Variants in PPM1K observed in about 807,000 individuals in gnomAD.
PPM1K encodes protein phosphatase Mn(2+)-dependent 1K.
In PPM1K, 19 loss-of-function variants were observed where a neutral mutation model predicts 32.6. That is an observed-to-expected ratio of 0.58 (90% CI 0.41 to 0.86). The LOEUF (loss-of-function observed/expected upper bound fraction) is 0.86, where lower values mean the gene tolerates loss of function less well. Ranked by LOEUF, PPM1K falls within the 40% of genes least tolerant of loss-of-function variation. The probability of loss-of-function intolerance (pLI) is 0.00; values close to 1 mark genes in which losing one functional copy is unlikely to be tolerated. For missense variants in PPM1K, 362 were observed against 461.2 expected (o/e 0.78, Z 1.97); for synonymous variants, 159 against 165.3 (o/e 0.96, Z 0.29).
chr4:88,262,236 C>T lies in PPM1K; in HGVS notation c.*359G>A, dbSNP rs1350678298. 6.4e-6 allele frequency: 1 copy of T among 155,956 alleles called. No homozygotes were observed. The highest frequency in any genetic ancestry group is 1.4e-5 in the Non-Finnish European group (1 of 70,868). The allele number at this position is 155,956 out of a possible 1,614,324, so 9.7% of individuals were successfully genotyped here. A position where few individuals can be genotyped will look rare whatever the true frequency, so the allele number is the denominator to read the frequency against. ...ATTCAAACTGACTAGTTTTGAAGAA[C>T]TTCAAAAACGTGTTCAAATGAATAA... On this transcript the variant is annotated 3_prime_UTR_variant, in exon 7 of 7. Transcript: ENST00000608933.
rs111464816 is a variant in PPM1K, at chr4:88,263,754, G to T, written c.988-1028C>A. Reference sequence around the variant, plus strand: ...AGCCACCAAACCTGGCCTAAAGATTGTATTTCTAAGGGCTCAAGCAATCCT... The same window carrying T: ...AGCCACCAAACCTGGCCTAAAGATTTTATTTCTAAGGGCTCAAGCAATCCT... On this transcript the variant is annotated intron_variant, in intron 6 of 6. Transcript: ENST00000608933. Among the ~76,000 whole-genome samples, 569 of 152,112 alleles carry T rather than the reference G, an allele frequency of 3.7e-3. 2 individuals are homozygous for T. The highest frequency in any genetic ancestry group is 0.013 in the African/African-American group (538 of 41,504).
chr4:88,278,142 A>G lies in PPM1K; in HGVS notation c.440+2T>C, dbSNP rs1184699647. 1 of 1,611,572 alleles carries G rather than the reference A, an allele frequency of 6.2e-7. No individual in the cohort carries two copies. On this transcript the variant is annotated splice_donor_variant, in intron 2 of 6. Transcript: ENST00000608933. LOFTEE classifies it high-confidence loss of function. This position sits in a 1 kb window ranked among gnomAD's most constrained non-coding sequence, Gnocchi z 4.2. ...GTCAGGAGTGAAAGTCATTGTACAT[A>G]CATAATACATTTCTCCATGTGGGTA... is the stretch of plus-strand genomic sequence containing the variant.
chr4:88,278,373 T>C lies in PPM1K; in HGVS notation c.211A>G (p.Ile71Val), dbSNP rs1184981278. ...WDNFGIWDNR[I>V]DEPILLPPSI... is the part of the protein sequence containing the mutation. ...GGTGGCAGCAGAATTGGCTCATCAA[T>C]GCGGTTATCCCAGATCCCAAAATTG... The change falls in exon 2 of 7, where the codon ATT (isoleucine) becomes GTT (valine). Residue 71 changes from isoleucine to valine, a missense_variant. Ile to Val is a conservative substitution (Grantham distance 29, BLOSUM62 3). Transcript: ENST00000608933. The surrounding 1 kb of genome is among the most constrained non-coding windows in gnomAD (Gnocchi z 4.2). The C allele has an allele frequency of 2.5e-6, 4 of 1,614,208 alleles. No individual in the cohort carries two copies. In the Admixed American group the frequency reaches 6.7e-5, roughly 27 times the overall value.
At chr4:88,277,337 G>A (rs998875165) in intron 2 of PPM1K, 94 bp from the exon 3 acceptor site, 56 of 810,034 alleles carry the variant, frequency 6.9e-5, no homozygotes, top group South Asian at 4.8e-4. Context: ...TCCACACAAC[G>A]GGCCTCAGGA....
chr4:88,273,399 G>A (rs1731637395), intron 3 of PPM1K, among the ~76,000 whole-genome samples: 1 of 152,178 alleles, frequency 6.6e-6, no homozygotes, highest in African/African-American at 2.4e-5. Flanking sequence ...GTACTACCTG[G>A]GCTGGGCACA....
At position 88,275,369 on chromosome 4, in the gene PPM1K, G is replaced by C. The variant is rs914717722; in HGVS notation, c.541+1774C>G. The C allele has an allele frequency of 5.1e-6, 5 of 976,266 alleles. No homozygotes were observed. In the Admixed American group the frequency reaches 1.8e-4, roughly 36 times the overall value. 60.5% of individuals were successfully genotyped at this position (976,266 alleles called of 1,614,324 possible). A position where few individuals can be genotyped will look rare whatever the true frequency, so the allele number is the denominator to read the frequency against. On this transcript the variant is annotated intron_variant, in intron 3 of 6. Transcript: ENST00000608933. The stretch of plus-strand genomic sequence containing the variant: ...ACTGTTTAATGTTTTTGTGACAAAG[G>C]TATCTTTAGAAAGTTTCTTTTAAGA...
intron 3 of PPM1K, among the ~76,000 whole-genome samples, chr4:88,272,676 A>G (rs1311639373): frequency 6.6e-6 from 1 of 152,180 alleles, no homozygotes; most frequent in Non-Finnish European, 1.5e-5. Flanking sequence ...TGGTGATGAA[A>G]TTTGCTACTG....
At chr4:88,276,597 T>A (rs996398185) in intron 3 of PPM1K, 1 of 985,200 alleles carries the variant, frequency 1.0e-6, no homozygotes, top group Admixed American at 6.1e-5. Context: ...AGCTGCAAGA[T>A]TGAGCTTTTT....
At chr4:88,265,252 C>T in intron 5 of PPM1K, 117 bp from the exon 6 acceptor site, 1 of 1,204,610 alleles carries the variant, frequency 8.3e-7, no homozygotes, top group Non-Finnish European at 1.2e-6. Flanking sequence ...AGCTTGTAAG[C>T]TGATATGGTT....
At chr4:88,274,425 C>T (rs1731683961) in intron 3 of PPM1K, among the ~76,000 whole-genome samples, 1 of 152,036 alleles carries the variant, frequency 6.6e-6, no homozygotes, top group African/African-American at 2.4e-5. Context: ...TTATTGAGTA[C>T]CTGCCAGGTT....
chr4:88,283,493 GA>G (rs1296521041), intron 1 of PPM1K, among the ~76,000 whole-genome samples: 1 of 152,240 alleles, frequency 6.6e-6, no homozygotes, highest in East Asian at 1.9e-4. Context: ...CGCCCTGACG[GA>G]AAGAACCGAT....
intron 5 of PPM1K, among the ~76,000 whole-genome samples, chr4:88,266,839 G>A (rs1355298270): frequency 2.0e-5 from 3 of 149,876 alleles, no homozygotes; most frequent in African/African-American, 7.4e-5. Flanking sequence ...TGCAGGCGAT[G>A]TTGGCTGATT....
At chr4:88,279,462 G>A (rs1455577752) in intron 1 of PPM1K, 3 of 152,332 alleles carry the variant, frequency 2.0e-5, no homozygotes, top group South Asian at 4.1e-4. Context: ...GAACCTGGCA[G>A]CACTGCATTT....
intron 3 of PPM1K, chr4:88,275,062 A>C: frequency 1.2e-6 from 1 of 819,624 alleles, no homozygotes; most frequent in Non-Finnish European, 1.5e-6. Flanking sequence ...ACTTTCAAAC[A>C]AATTACCATT....
intron 1 of PPM1K, among the ~76,000 whole-genome samples, chr4:88,280,307 G>C (rs1731958315): frequency 6.6e-6 from 1 of 152,124 alleles, no homozygotes; most frequent in Admixed American, 6.5e-5. Context: ...TTAGAATAAA[G>C]ATGGCCACCA....
intron 6 of PPM1K, among the ~76,000 whole-genome samples, chr4:88,264,496 G>A (rs570765332): frequency 8.6e-4 from 131 of 152,244 alleles, no homozygotes; most frequent in Non-Finnish European, 1.6e-3. Context: ...CTAGTTTAAC[G>A]GTCAAGTGGT....
Position 88,278,054 on chromosome 4 carries a change from T to C in PPM1K, c.440+90A>G. On this transcript the variant is annotated intron_variant, in intron 2 of 6. Transcript: ENST00000608933. The surrounding 1 kb of genome is among the most constrained non-coding windows in gnomAD (Gnocchi z 4.2). Reference sequence around the variant, plus strand: ...CAGCATGCAACCACTCAAGTAACTATGTTTACGCTGGAAGCCTCAGCCAAA... The same window carrying C: ...CAGCATGCAACCACTCAAGTAACTACGTTTACGCTGGAAGCCTCAGCCAAA... 3 of 1,052,756 alleles carry C rather than the reference T, an allele frequency of 2.8e-6. No homozygotes were observed. The highest frequency in any genetic ancestry group is 1.6e-5 in the South Asian group (1 of 62,818). 65.2% of individuals were successfully genotyped at this position (1,052,756 alleles called of 1,614,324 possible). A position where few individuals can be genotyped will look rare whatever the true frequency, so the allele number is the denominator to read the frequency against.
chr4:88,282,194 T>C (rs1732042294), intron 1 of PPM1K, among the ~76,000 whole-genome samples: 1 of 152,202 alleles, frequency 6.6e-6, no homozygotes, highest in Non-Finnish European at 1.5e-5. Flanking sequence ...CATTTTAACA[T>C]TATATTCAAT....
rs1283991818 is a variant in PPM1K at position 88,268,344 on chromosome 4, G to C, written c.708-10C>G. 6.2e-7 allele frequency: 1 copy of C among 1,614,028 alleles called. No homozygotes were observed. The highest frequency in any genetic ancestry group is 1.7e-5 in the Admixed American group (1 of 59,996). On this transcript the variant is annotated splice_polypyrimidine_tract_variant and intron_variant, in intron 4 of 6. Coordinates refer to ENST00000608933, the MANE Select transcript of PPM1K (RefSeq NM_152542.5). ...ACCACATTTCTTGATCCTGTTAAAA[G>C]TTAAATGACAATGGTGTGATATGTA...
Sources: gnomAD v4.1 joint callset for allele counts (sites outside exome capture counted in the v4.1 genomes callset) on GRCh38, gnomAD v4.1.1 for gene constraint, Gnocchi (gnomAD v3.1) non-coding constraint, MANE v1.5 for transcripts, NCBI Gene and HGNC (gene_info 2026-07-23, HGNC 2026-07-21) for gene names.